The following COL11A2 variants were observed in gnomAD, a reference collection of about 807,000 sequenced individuals.
COL11A2 encodes collagen alpha-2(XI) chain.
In COL11A2, 116 loss-of-function variants were observed where a neutral mutation model predicts 273.4. The ratio of observed to expected loss-of-function variants is 0.42; its 90% CI spans 0.36 to 0.49. The LOEUF is 0.49. COL11A2 is among the 20% of genes least tolerant of loss of function. COL11A2 has a pLI of 0.00. For missense variants in COL11A2, 1,866 were observed against 2,309.0 expected, an observed-to-expected ratio of 0.81 and a Z score of 3.93; for synonymous variants, 782 against 864.2, an observed-to-expected ratio of 0.90 and a Z score of 1.67.
Position 33,189,536 on chromosome 6 carries a change from G to T in COL11A2, c.83-67C>A. On this transcript the variant is annotated intron_variant, in intron 1 of 65. Transcript: ENST00000341947. The surrounding 1 kb of genome is among the most constrained non-coding windows in gnomAD (Gnocchi z 5.6). ...AGGAGGGCATAAATAGGGGACATTT[G>T]GGATCTAGAACTCAGCTTTCCAGGG... 1 of 1,597,802 alleles carries T rather than the reference G, an allele frequency of 6.3e-7. No individual in the cohort carries two copies. The highest frequency in any genetic ancestry group is 2.2e-5 in the East Asian group (1 of 44,526).
At position 33,179,594 on chromosome 6, in the gene COL11A2, G is replaced by A. The variant is rs1349886414; in HGVS notation, c.1447-107C>T. ...TCTCCTGATCCTCATCCACTGCCCA[G>A]GATTCTCCCCAACCTCCCTGTTAAC... On this transcript the variant is annotated intron_variant, in intron 13 of 65. Transcript: ENST00000341947. The surrounding 1 kb of genome is among the most constrained non-coding windows in gnomAD (Gnocchi z 6.4). 4.1e-6 allele frequency: 6 copies of A among 1,452,386 alleles called. No homozygotes were observed. The highest frequency in any genetic ancestry group is 5.7e-6 in the Non-Finnish European group (6 of 1,057,874). 90.0% of individuals were successfully genotyped at this position (1,452,386 alleles called of 1,614,324 possible).
chr6:33,168,284 C>CT (rs1410336953), intron 54 of COL11A2, among the ~76,000 whole-genome samples: 1 of 150,260 alleles, frequency 6.7e-6, no homozygotes, highest in Non-Finnish European at 1.5e-5. Flanking sequence ...CACACACACT[C>CT]GCCCAGTGCA....
At position 33,185,110 on chromosome 6, in the gene COL11A2, G is replaced by A. The variant is rs1772228034; in HGVS notation, c.877-56C>T. 10 of 1,347,724 alleles carry A rather than the reference G, an allele frequency of 7.4e-6. No individual in the cohort carries two copies. In the South Asian group the frequency reaches 1.1e-4, roughly 15 times the overall value. The allele number at this position is 1,347,724 out of a possible 1,614,324, so 83.5% of individuals were successfully genotyped here. A position where few individuals can be genotyped will look rare whatever the true frequency, so the allele number is the denominator to read the frequency against. On this transcript the variant is annotated intron_variant, in intron 6 of 65. Coordinates refer to ENST00000341947, the MANE Select transcript of COL11A2 (RefSeq NM_080680.3). ...CACGGGGTGGGAAGGAAGGAGAAAG[G>A]TTAGCAGAAGGGAGGCAAAGCAGCA...
chr6:33,171,228 G>T (rs746308790), intron 44 of COL11A2, 43 bp downstream of exon 44: 171 of 1,613,966 alleles, frequency 1.1e-4, no homozygotes, highest in Non-Finnish European at 1.4e-4. Context: ...TGGGACTGAG[G>T]TTAAAGGCCA....
chr6:33,192,541 C>A (rs1773277844), upstream of COL11A2: 1 of 511,764 alleles, frequency 2.0e-6, no homozygotes, highest in Non-Finnish European at 3.5e-6. Flanking sequence ...TCCAGCCGCC[C>A]GCCCACAGCC....
chr6:33,172,197 G>A lies in COL11A2; in HGVS notation c.2988+92C>T, dbSNP rs1022955719. The A allele has an allele frequency of 7.7e-6, 12 of 1,555,940 alleles. No homozygotes were observed. The Admixed American group carries it at 1.2e-4, about 15-fold the overall frequency. On this transcript the variant is annotated intron_variant, in intron 40 of 65. Coordinates refer to ENST00000341947, the MANE Select transcript of COL11A2 (RefSeq NM_080680.3). ...ACAGGCTCCAAAAGATGGAAGTGGG[G>A]AGTGACATGGAGGGGGTCAGGGACA... is the stretch of plus-strand genomic sequence containing the variant.
At position 33,181,158 on chromosome 6, in the gene COL11A2, G is replaced by A. The variant is rs748687966; in HGVS notation, c.1132C>T (p.Pro378Ser). The change falls in exon 9 of 66, where the codon CCC (proline) becomes TCC (serine). Residue 378 changes from proline to serine, a missense_variant. Transcript: ENST00000341947. Reference protein sequence around the residue: ...TAHSGAAAHGPRGLKGEKGEP... With the variant: ...TAHSGAAAHGSRGLKGEKGEP... ...CCTTTCTCTCCCTTCAGCCCTCGGGGTCCATGGGCAGCCTGAAGGAGACAC... is the reference window on the plus strand; with the variant it reads ...CCTTTCTCTCCCTTCAGCCCTCGGGATCCATGGGCAGCCTGAAGGAGACAC... The A allele has an allele frequency of 1.2e-6, 2 of 1,614,114 alleles. No homozygotes were observed. Among genetic ancestry groups the A allele is most frequent in the South Asian group, 2.2e-5 (2 of 91,084 alleles).
intron 5 of COL11A2, 23 bp downstream of exon 5, chr6:33,186,604 G>A: frequency 1.2e-6 from 2 of 1,614,156 alleles, no homozygotes; most frequent in Admixed American, 1.7e-5. Context: ...TGCTGCACTT[G>A]GGGGTTCTCC....
chr6:33,172,933 C>G (rs776042984), intron 38 of COL11A2, 127 bp downstream of exon 38: 1 of 1,041,514 alleles, frequency 9.6e-7, no homozygotes, highest in Non-Finnish European at 1.5e-6. Context: ...TCCCAGCCCC[C>G]ACCATTGACC....
rs891202868 is a variant in COL11A2, at chr6:33,163,220, G to A, written c.*458C>T. 1 of 205,974 alleles carries A rather than the reference G, an allele frequency of 4.9e-6. No homozygotes were observed. The highest frequency in any genetic ancestry group is 9.9e-6 in the Non-Finnish European group (1 of 100,588). 12.8% of individuals were successfully genotyped at this position (205,974 alleles called of 1,614,324 possible). A position where few individuals can be genotyped will look rare whatever the true frequency, so the allele number is the denominator to read the frequency against. On this transcript the variant is annotated 3_prime_UTR_variant, in exon 66 of 66. Coordinates refer to ENST00000341947, the MANE Select transcript of COL11A2 (RefSeq NM_080680.3). This position sits in a 1 kb window ranked among gnomAD's most constrained non-coding sequence, Gnocchi z 4.1. ...CCCCTACACACAGTCACTGAGGAAAGTCCTGACTCCAGGATGTGGGTGCCG... is the reference window on the plus strand; with the variant it reads ...CCCCTACACACAGTCACTGAGGAAAATCCTGACTCCAGGATGTGGGTGCCG...
At position 33,169,330 on chromosome 6, in the gene COL11A2, G is replaced by T; in HGVS notation, c.3798+53C>A. On this transcript the variant is annotated intron_variant, in intron 51 of 65. Transcript: ENST00000341947. This position sits in a 1 kb window ranked among gnomAD's most constrained non-coding sequence, Gnocchi z 5.5. ...CCCTCACACACACCCATATTCCCAG[G>T]TCTGTCATTCACAGGGCCTGAGAGG... The T allele has an allele frequency of 6.7e-7, 1 of 1,500,420 alleles. No homozygotes were observed. Among genetic ancestry groups the T allele is most frequent in the Non-Finnish European group, 9.2e-7 (1 of 1,083,516 alleles). 92.9% of individuals were successfully genotyped at this position (1,500,420 alleles called of 1,614,324 possible).
chr6:33,180,751 G>T, intron 10 of COL11A2, 21 bp from the exon 11 acceptor site: 1 of 1,609,168 alleles, frequency 6.2e-7, no homozygotes, highest in Non-Finnish European at 8.5e-7. Flanking sequence ...AAAGAGTAGG[G>T]GTCAGGTGTG....
Position 33,164,551 on chromosome 6 carries a change from G to T in COL11A2, c.4864-78C>A. On this transcript the variant is annotated intron_variant, in intron 64 of 65. Transcript: ENST00000341947. The surrounding 1 kb of genome is among the most constrained non-coding windows in gnomAD (Gnocchi z 4.7). ...AGAGGGAGACAGAGACGGGCCTCAG[G>T]AGCATCTACGGCACCAGGACAGCTG... is the stretch of plus-strand genomic sequence containing the variant. 1 of 1,206,018 alleles carries T rather than the reference G, an allele frequency of 8.3e-7. No homozygotes were observed. 74.7% of individuals were successfully genotyped at this position (1,206,018 alleles called of 1,614,324 possible). A position where few individuals can be genotyped will look rare whatever the true frequency, so the allele number is the denominator to read the frequency against.
intron 29 of COL11A2, 122 bp from the exon 30 acceptor site, chr6:33,175,803 A>C: frequency 9.0e-7 from 1 of 1,106,624 alleles, no homozygotes; most frequent in South Asian, 1.3e-5. Flanking sequence ...ACTGCAGGAC[A>C]GGAAGCCCAC....
chr6:33,179,353 A>AAAG lies in COL11A2; in HGVS notation c.1504-72_1504-70dup. 6.3e-7 allele frequency: 1 copy of AAAG among 1,578,516 alleles called. No homozygotes were observed. Among genetic ancestry groups the AAAG allele is most frequent in the Non-Finnish European group, 8.6e-7 (1 of 1,162,588 alleles). ...AACAGTGGCCTCGGAGTGTTCCCCAAAAGAAGCCCCTTTCCAGAACTATCC... is the reference window on the plus strand; with the variant it reads ...AACAGTGGCCTCGGAGTGTTCCCCAAAAGAAGAAGCCCCTTTCCAGAACTATCC... On this transcript the variant is annotated intron_variant, in intron 14 of 65. Transcript: ENST00000341947. The surrounding 1 kb of genome is among the most constrained non-coding windows in gnomAD (Gnocchi z 6.4).
chr6:33,166,093 GA>G lies in COL11A2; in HGVS notation c.4428+77del. 6.2e-7 allele frequency: 1 copy of G among 1,600,570 alleles called. No homozygotes were observed. Among genetic ancestry groups the G allele is most frequent in the Non-Finnish European group, 8.5e-7 (1 of 1,172,182 alleles). On this transcript the variant is annotated intron_variant, in intron 61 of 65. Transcript: ENST00000341947. The surrounding 1 kb of genome is among the most constrained non-coding windows in gnomAD (Gnocchi z 4.8). ...GCTGGAATAAGGGGCTCCTTGGGGG[GA>G]GTCTATTTGTCCTGGAGAGACATCA... is the stretch of plus-strand genomic sequence containing the variant.
rs767920859 is a variant in COL11A2 at position 33,164,372 on chromosome 6, G to C, written c.4965C>G (p.Cys1655Trp). The change falls in exon 65 of 66, where the codon TGC becomes TGG. Residue 1655 changes from cysteine to tryptophan, a missense_variant. By Grantham distance (215) the Cys-to-Trp change is radical (BLOSUM62 -2). Transcript: ENST00000341947. This position sits in a 1 kb window ranked among gnomAD's most constrained non-coding sequence, Gnocchi z 4.7. ...GGGGACCGTCACGGGCTGCTCCAGA[G>C]CAGGGGTAGGAGACGTCCTGGTGGG... is the stretch of plus-strand genomic sequence containing the variant. ...VSAHQDVSYP[C>W]SGAARDGPLR... 6.2e-7 allele frequency: 1 copy of C among 1,612,150 alleles called. No homozygotes were observed. The highest frequency in any genetic ancestry group is 1.1e-5 in the South Asian group (1 of 90,858).
Position 33,163,298 on chromosome 6 carries a change from TTC to T in COL11A2, c.*378_*379del, listed in dbSNP as rs1165119492. ...AACATCTGCTGATTTTTGTTGGCGT[TTC>T]TCTTTTTTGTTATTTTGCTTTCCAC... On this transcript the variant is annotated 3_prime_UTR_variant, in exon 66 of 66. Coordinates refer to ENST00000341947, the MANE Select transcript of COL11A2 (RefSeq NM_080680.3). This position sits in a 1 kb window ranked among gnomAD's most constrained non-coding sequence, Gnocchi z 4.1. The T allele has an allele frequency of 4.2e-5, 10 of 238,404 alleles. No individual in the cohort carries two copies. Among genetic ancestry groups the T allele is most frequent in the Admixed American group, 1.5e-4 (3 of 19,806 alleles). The allele number at this position is 238,404 out of a possible 1,614,324, so 14.8% of individuals were successfully genotyped here.
At chr6:33,180,225 T>C in intron 12 of COL11A2, 33 bp downstream of exon 12, 2 of 1,599,292 alleles carry the variant, frequency 1.3e-6, no homozygotes, top group Non-Finnish European at 1.7e-6. Flanking sequence ...GTCTTCCCCA[T>C]CAGCATGTTC....
Sources: allele counts gnomAD v4.1 joint callset (sites outside exome capture counted in the v4.1 genomes callset), GRCh38; gene constraint gnomAD v4.1.1; non-coding constraint Gnocchi (gnomAD v3.1); transcripts MANE v1.5; gene names NCBI Gene and HGNC (gene_info 2026-07-23, HGNC 2026-07-21).